The following TXNRD3 variants were observed in gnomAD, a reference collection of about 807,000 sequenced individuals.
TXNRD3 encodes the protein thioredoxin reductase 3.
Under a neutral mutation model 78.2 loss-of-function variants are expected in TXNRD3, and 68 were observed. The observed-to-expected ratio is 0.87, with a 90% CI of 0.72 to 1.06. TXNRD3 has a LOEUF of 1.06. Among genes scored for constraint, TXNRD3 ranks in the 50% least tolerant of loss-of-function variants. The pLI, the probability that TXNRD3 is intolerant of heterozygous loss-of-function variation, is 0.00. For missense variants in TXNRD3, 751 were observed against 809.5 expected, an observed-to-expected ratio of 0.93 and a Z score of 0.88; for synonymous variants, 296 against 300.1, an observed-to-expected ratio of 0.99 and a Z score of 0.14.
intron 1 of TXNRD3, among the ~76,000 whole-genome samples, chr3:126,652,413 G>A (rs1443626797): frequency 1.3e-5 from 2 of 152,116 alleles, no homozygotes; most frequent in Non-Finnish European, 2.9e-5. Context: ...TTTGGGTGGG[G>A]ACACAGATCC....
In TXNRD3 at chr3:126,631,804, A is replaced by G; in HGVS notation, c.931T>C (p.Tyr311His). Residue 311 changes from tyrosine to histidine, a missense_variant, in exon 8 of 16, where the codon TAT (tyrosine) becomes CAT (histidine). Physicochemically the swap from Tyr to His is moderately conservative, Grantham distance 83. Transcript: ENST00000524230. Reference sequence around the variant, plus strand: ...TCTTTATCTCCTTGGATTCCTAAATACCGTGGCCTTTCACCCGTTGCTATG... The same window carrying G: ...TCTTTATCTCCTTGGATTCCTAAATGCCGTGGCCTTTCACCCGTTGCTATG... The G allele has an allele frequency of 6.5e-7, 1 of 1,535,924 alleles. No individual in the cohort carries two copies. Among genetic ancestry groups the G allele is most frequent in the Non-Finnish European group, 8.7e-7 (1 of 1,146,718 alleles).
At chr3:126,629,496 A>G in intron 9 of TXNRD3, 25 bp from the exon 10 acceptor site, 2 of 1,488,180 alleles carry the variant, frequency 1.3e-6, no homozygotes, top group Non-Finnish European at 1.8e-6. Flanking sequence ...GAGTGTAATG[A>G]TGTTATCTAA....
At chr3:126,608,435 G>A (rs79363895) in intron 15 of TXNRD3, 64 bp downstream of exon 15, 89,113 of 1,430,250 alleles carry the variant, frequency 0.062, 3,296 homozygotes, top group East Asian at 0.19. Flanking sequence ...TCTGACAAGT[G>A]CTTTATAATA....
chr3:126,625,666 A>G (rs921279479), intron 10 of TXNRD3, among the ~76,000 whole-genome samples: 3 of 152,250 alleles, frequency 2.0e-5, no homozygotes, highest in Middle Eastern at 3.4e-3. Context: ...TTGGGTATAT[A>G]CCCAGTAATG....
At chr3:126,644,177 C>T in intron 4 of TXNRD3, 120 bp downstream of exon 4, 2 of 1,342,964 alleles carry the variant, frequency 1.5e-6, no homozygotes, top group Non-Finnish European at 2.0e-6. Context: ...CTGAATTATA[C>T]CAGCTATTAC....
At chr3:126,610,166 G>C (rs1387994857) in intron 14 of TXNRD3, among the ~76,000 whole-genome samples, 2 of 152,214 alleles carry the variant, frequency 1.3e-5, no homozygotes, top group Non-Finnish European at 2.9e-5. Context: ...TGGGCTACTA[G>C]CCTGCAACAC....
intron 11 of TXNRD3, 147 bp downstream of exon 11, chr3:126,622,314 TTGA>T (rs1263124261): frequency 3.6e-6 from 2 of 558,290 alleles, no homozygotes; most frequent in Non-Finnish European, 6.0e-6. Flanking sequence ...GAGTTACTGA[TTGA>T]TGAAGAAATT....
chr3:126,607,558 C>G lies in TXNRD3; in HGVS notation c.*347G>C, dbSNP rs113449510. 13 of 193,384 alleles carry G rather than the reference C, an allele frequency of 6.7e-5. No individual in the cohort carries two copies. Among genetic ancestry groups the G allele is most frequent in the African/African-American group, 2.8e-4 (12 of 43,194 alleles). 12.0% of individuals were successfully genotyped at this position (193,384 alleles called of 1,614,324 possible). On this transcript the variant is annotated 3_prime_UTR_variant, in exon 16 of 16. Transcript: ENST00000524230. ...AAAGCAAAGGGGATAAAAACAATAG[C>G]GACCAGAAAAGCTAACTTAGGTGAA...
intron 6 of TXNRD3, among the ~76,000 whole-genome samples, chr3:126,637,842 C>T (rs1370406889): frequency 6.9e-6 from 1 of 145,490 alleles, no homozygotes; most frequent in Non-Finnish European, 1.5e-5. Context: ...TTTCCCCTTT[C>T]TTTTTAAACT....
chr3:126,642,091 GCAGCCTGAT>G lies in TXNRD3; in HGVS notation c.644_652del (p.His215_Ala218delinsPro), dbSNP rs1933104917. The G allele has an allele frequency of 6.5e-7, 1 of 1,535,746 alleles. No individual in the cohort carries two copies. The highest frequency in any genetic ancestry group is 8.7e-7 in the Non-Finnish European group (1 of 1,146,782). Reference sequence around the variant, plus strand: ...GTCACATAATGCCTGCCCCAAAAGGGCAGCCTGATGCATCAATTTCTTAGGAATACAACC... The same window carrying G: ...GTCACATAATGCCTGCCCCAAAAGGGGCATCAATTTCTTAGGAATACAACC... On this transcript the variant is annotated inframe_deletion, in exon 6 of 16. Transcript: ENST00000524230.
rs868789474 is a variant in TXNRD3, at chr3:126,607,580, T to A, written c.*325A>T. The A allele has an allele frequency of 8.6e-5, 20 of 232,028 alleles. No homozygotes were observed. The highest frequency in any genetic ancestry group is 2.8e-3 in the Middle Eastern group (2 of 724). The allele number at this position is 232,028 out of a possible 1,614,324, so 14.4% of individuals were successfully genotyped here. A position where few individuals can be genotyped will look rare whatever the true frequency, so the allele number is the denominator to read the frequency against. ...TAGCGACCAGAAAAGCTAACTTAGG[T>A]GAATGGTGCCACTCAAAGGTCTTTC... On this transcript the variant is annotated 3_prime_UTR_variant, in exon 16 of 16. Transcript: ENST00000524230.
At chr3:126,637,930 C>CT in intron 6 of TXNRD3, among the ~76,000 whole-genome samples, 1 of 115,858 alleles carries the variant, frequency 8.6e-6, no homozygotes, top group Non-Finnish European at 1.8e-5. Context: ...ATATTTCTCT[C>CT]TCTTTTTTTT....
At chr3:126,649,582 G>A (rs1457958472) in intron 1 of TXNRD3, among the ~76,000 whole-genome samples, 2 of 152,194 alleles carry the variant, frequency 1.3e-5, no homozygotes, top group Non-Finnish European at 2.9e-5. Flanking sequence ...GCCAAAAGGT[G>A]GAAGCAATGC....
chr3:126,643,262 G>A (rs763050923), intron 5 of TXNRD3, among the ~76,000 whole-genome samples: 3 of 152,244 alleles, frequency 2.0e-5, no homozygotes, highest in Non-Finnish European at 2.9e-5. Flanking sequence ...CAGCAGGGCA[G>A]AGGCAGAGGG....
At chr3:126,627,639 GA>G (rs977846195) in intron 10 of TXNRD3, among the ~76,000 whole-genome samples, 1 of 151,732 alleles carries the variant, frequency 6.6e-6, no homozygotes, top group African/African-American at 2.4e-5. Flanking sequence ...CTAATTCCTG[GA>G]AAAAAATATA....
chr3:126,637,575 C>A (rs1367265871), intron 6 of TXNRD3, among the ~76,000 whole-genome samples: 1 of 151,878 alleles, frequency 6.6e-6, no homozygotes, highest in Non-Finnish European at 1.5e-5. Context: ...TCTTAATTTC[C>A]TACTTAAAAT....
At chr3:126,650,229 T>C (rs566887520) in intron 1 of TXNRD3, among the ~76,000 whole-genome samples, 1 of 152,354 alleles carries the variant, frequency 6.6e-6, no homozygotes, top group Non-Finnish European at 1.5e-5. Flanking sequence ...TAGCTGCCTC[T>C]ACACTGAGCC....
At position 126,611,033 on chromosome 3, in the gene TXNRD3, A is replaced by C; in HGVS notation, c.1728+4T>G. The C allele has an allele frequency of 6.7e-7, 1 of 1,490,678 alleles. No homozygotes were observed. The highest frequency in any genetic ancestry group is 1.3e-5 in the South Asian group (1 of 77,686). The allele number at this position is 1,490,678 out of a possible 1,614,324, so 92.3% of individuals were successfully genotyped here. On this transcript the variant is annotated splice_donor_region_variant and intron_variant, in intron 14 of 15. Transcript: ENST00000524230. ...GCATTTTGGCTTCTAGTGGTATTAC[A>C]TACATGGTCGAATTTATTGCAGATT...
At chr3:126,641,848 G>T (rs1020364813) in intron 6 of TXNRD3, among the ~76,000 whole-genome samples, 184 bp downstream of exon 6, 1 of 152,184 alleles carries the variant, frequency 6.6e-6, no homozygotes, top group African/African-American at 2.4e-5. Flanking sequence ...CTCTCTAGGT[G>T]GTGAGGCCCA....
Sources: gnomAD v4.1 joint callset for allele counts (sites outside exome capture counted in the v4.1 genomes callset) on GRCh38, gnomAD v4.1.1 for gene constraint, MANE v1.5 for transcripts, NCBI Gene and HGNC (gene_info 2026-07-23, HGNC 2026-07-21) for gene names.